ZNF512: variants seen among roughly 807,000 people sequenced by gnomAD.
ZNF512 encodes the protein zinc finger protein 512.
Under a neutral mutation model 77.5 loss-of-function variants are expected in ZNF512, and 25 were observed. That is an observed-to-expected ratio of 0.32 (90% CI 0.23 to 0.45). The LOEUF (loss-of-function observed/expected upper bound fraction) is 0.45. ZNF512 is among the 20% of genes least tolerant of loss of function. The pLI is 1.00. For synonymous variants in ZNF512, 246 were observed against 239.9 expected, an observed-to-expected ratio of 1.03 and a Z score of -0.24; for missense variants, 483 against 692.6, an observed-to-expected ratio of 0.70 and a Z score of 3.40.
chr2:27,610,544 G>GTGTGTGTATA (rs1413007886), intron 10 of ZNF512, among the ~76,000 whole-genome samples: 8 of 32,658 alleles, frequency 2.4e-4, no homozygotes, highest in Admixed American at 5.9e-4. Context: ...ATATGTGTGT[G>GTGTGTGTATA]TATATATATA....
chr2:27,609,194 C>T (rs1453135183), intron 10 of ZNF512, among the ~76,000 whole-genome samples: 1 of 151,688 alleles, frequency 6.6e-6, no homozygotes, highest in Non-Finnish European at 1.5e-5. Context: ...AAAAATTAGT[C>T]CAGAGTGGTA....
chr2:27,587,043 T>C (rs1201645502), intron 2 of ZNF512, among the ~76,000 whole-genome samples: 2 of 152,210 alleles, frequency 1.3e-5, no homozygotes, highest in African/African-American at 4.8e-5. Flanking sequence ...ACAAGTCTTG[T>C]GTGGACAAAT....
intron 2 of ZNF512, among the ~76,000 whole-genome samples, chr2:27,594,912 C>A (rs898984438): frequency 2.0e-5 from 3 of 152,190 alleles, no homozygotes; most frequent in African/African-American, 7.2e-5. Flanking sequence ...GCAGATCACT[C>A]GAGGTCAGGA....
intron 3 of ZNF512, 35 bp from the exon 4 acceptor site, chr2:27,599,548 C>A (rs771335392): frequency 1.9e-5 from 29 of 1,518,344 alleles, no homozygotes; most frequent in Non-Finnish European, 2.5e-5. Context: ...ACAAAGTGTG[C>A]TGAGTTTTTG....
At chr2:27,614,251 C>T (rs1207857151) in intron 10 of ZNF512, among the ~76,000 whole-genome samples, 5 of 152,136 alleles carry the variant, frequency 3.3e-5, no homozygotes, top group African/African-American at 9.7e-5. Context: ...GTGGACTTTG[C>T]AAGAACTGTC....
chr2:27,604,344 C>A (rs1312001870), intron 9 of ZNF512, among the ~76,000 whole-genome samples: 1 of 152,002 alleles, frequency 6.6e-6, no homozygotes, highest in Non-Finnish European at 1.5e-5. Flanking sequence ...CATTACATTT[C>A]CAAGGTTTCC....
chr2:27,589,456 A>G (rs1361751472), intron 2 of ZNF512, among the ~76,000 whole-genome samples: 1 of 152,008 alleles, frequency 6.6e-6, no homozygotes, highest in Non-Finnish European at 1.5e-5. Flanking sequence ...TTCATTTGTG[A>G]TATTGGCTAT....
chr2:27,596,081 C>T (rs994994847), intron 2 of ZNF512, among the ~76,000 whole-genome samples: 8 of 152,166 alleles, frequency 5.3e-5, no homozygotes, highest in African/African-American at 2.4e-5. Context: ...CAGGTTCAGG[C>T]CAAAACTTCT....
At chr2:27,610,568 ATTTTT>A (rs767964486) in intron 10 of ZNF512, among the ~76,000 whole-genome samples, 465 of 18,162 alleles carry the variant, frequency 0.026, 38 homozygotes, top group African/African-American at 0.058. Context: ...ATATATATAT[ATTTTT>A]TTTTTTTTTT....
chr2:27,583,801 T>C, intron 2 of ZNF512, 85 bp downstream of exon 2: 2 of 1,472,974 alleles, frequency 1.4e-6, no homozygotes, highest in Non-Finnish European at 1.9e-6. Flanking sequence ...AAATGTTCTG[T>C]ATCTGCATTG....
chr2:27,608,031 G>C lies in ZNF512; in HGVS notation c.1123G>C (p.Asp375His). Reference sequence around the variant, plus strand: ...GGTGCTTCAGGACCTGGTACCTGATGATCGAAAGGTAAGGCAGAAACATGT... The same window carrying C: ...GGTGCTTCAGGACCTGGTACCTGATCATCGAAAGGTAAGGCAGAAACATGT... ...RKVLQDLVPD[D>H]RKLKYTRPGL... Residue 375 changes from aspartate to histidine, a missense_variant, in exon 10 of 14, where the codon GAT becomes CAT. Around this residue, in one of 2 missense-constraint regions of ZNF512, gnomAD observed 324 missense variants for 525.0 expected, o/e 0.62. Transcript: ENST00000355467. The C allele has an allele frequency of 6.4e-7, 1 of 1,569,814 alleles. No individual in the cohort carries two copies. Among genetic ancestry groups the C allele is most frequent in the Non-Finnish European group, 8.6e-7 (1 of 1,161,388 alleles).
Position 27,621,626 on chromosome 2 carries a change from T to C in ZNF512, c.*165T>C. The stretch of plus-strand genomic sequence containing the variant: ...TTTCACTGTCTTCCCTTCTTACATT[T>C]TGATTCCCCCCTCCCCTTTTAGTAG... On this transcript the variant is annotated 3_prime_UTR_variant, in exon 14 of 14. Transcript: ENST00000355467. 1.4e-6 allele frequency: 1 copy of C among 706,360 alleles called. No individual in the cohort carries two copies. Among genetic ancestry groups the C allele is most frequent in the South Asian group, 2.1e-5 (1 of 48,372 alleles). 43.8% of individuals were successfully genotyped at this position (706,360 alleles called of 1,614,324 possible).
In ZNF512 at chr2:27,603,149, A is replaced by G. The variant is rs1033002718; in HGVS notation, c.778A>G (p.Ser260Gly). 6.2e-7 allele frequency: 1 copy of G among 1,614,192 alleles called. No individual in the cohort carries two copies. The highest frequency in any genetic ancestry group is 8.5e-7 in the Non-Finnish European group (1 of 1,180,018). ...TCTCTCCTCTGTTCAGAGTTGCTCC[A>G]GTAGCTTCACCAGCATCATGGGATA... ...KLRCMRESCS[S>G]SFTSIMGYLY... is the part of the protein sequence containing the mutation. Residue 260 changes from serine to glycine, a missense_variant, in exon 9 of 14, where the codon AGT becomes GGT. Coordinates refer to ENST00000355467, the MANE Select transcript of ZNF512 (RefSeq NM_032434.4).
chr2:27,586,058 T>C lies in ZNF512; in HGVS notation c.89+2342T>C, dbSNP rs1157251190. 7.9e-5 allele frequency among the ~76,000 whole-genome samples: 12 copies of C among 152,226 alleles called. No homozygotes were observed. The East Asian group carries it at 2.3e-3, about 29-fold the overall frequency. The stretch of plus-strand genomic sequence containing the variant: ...GAGTTAATTATGATCATATGAACTG[T>C]TGCCTTTTCAGTATGCTTATGCTTA... On this transcript the variant is annotated intron_variant, in intron 2 of 13. Coordinates refer to ENST00000355467, the MANE Select transcript of ZNF512 (RefSeq NM_032434.4).
intron 10 of ZNF512, 100 bp downstream of exon 10, chr2:27,608,139 A>G: frequency 8.8e-7 from 1 of 1,138,346 alleles, no homozygotes; most frequent in Non-Finnish European, 1.2e-6. Flanking sequence ...CGTGATAGGC[A>G]GTATTTTGTT....
chr2:27,592,895 A>T (rs373385286), intron 2 of ZNF512, among the ~76,000 whole-genome samples: 1 of 143,064 alleles, frequency 7.0e-6, no homozygotes, highest in African/African-American at 2.6e-5. Context: ...ATGTTGGTCA[A>T]GCTGGTCGTG....
chr2:27,621,812 T>C lies in ZNF512; in HGVS notation c.*351T>C, dbSNP rs554928835. ...GTATAGAATGTTCTTGGAAGCTCCA[T>C]TGATTTAGTAGCTGCTCCATCATCT... On this transcript the variant is annotated 3_prime_UTR_variant, in exon 14 of 14. Coordinates refer to ENST00000355467, the MANE Select transcript of ZNF512 (RefSeq NM_032434.4). The C allele has an allele frequency of 3.3e-5, 6 of 180,052 alleles. No individual in the cohort carries two copies. The East Asian group carries it at 5.4e-4, about 16-fold the overall frequency. 11.2% of individuals were successfully genotyped at this position (180,052 alleles called of 1,614,324 possible).
chr2:27,586,975 T>C (rs765468477), intron 2 of ZNF512, among the ~76,000 whole-genome samples: 10 of 152,218 alleles, frequency 6.6e-5, no homozygotes, highest in Admixed American at 2.0e-4. Context: ...TTGATTGACA[T>C]TTGAGTTATT....
chr2:27,612,684 A>G (rs1476478962), intron 10 of ZNF512, among the ~76,000 whole-genome samples: 2 of 152,336 alleles, frequency 1.3e-5, no homozygotes, highest in East Asian at 3.9e-4. Context: ...CTAGTAGTAT[A>G]TAAAATAGTT....
Sources: allele counts gnomAD v4.1 joint callset (sites outside exome capture counted in the v4.1 genomes callset), GRCh38; gene constraint gnomAD v4.1.1; regional missense constraint gnomAD v4.1.1; transcripts MANE v1.5; gene names NCBI Gene and HGNC (gene_info 2026-07-23, HGNC 2026-07-21).